The following MTMR9 variants were observed in gnomAD, a reference collection of about 807,000 sequenced individuals.
MTMR9 encodes the protein myotubularin related protein 9.
Under a neutral mutation model 69.5 loss-of-function variants are expected in MTMR9, and 39 were observed. That is an observed-to-expected ratio of 0.56 (90% confidence interval 0.43 to 0.73). MTMR9 has a LOEUF of 0.73. Ranked by LOEUF, MTMR9 falls within the 30% of genes least tolerant of loss-of-function variation. MTMR9 has a pLI of 0.00. For synonymous variants in MTMR9, 354 were observed against 240.8 expected (o/e 1.47, Z -4.35); for missense variants, 900 against 671.2 (o/e 1.34, Z -3.77).
chr8:11,305,580 A>G (rs768344117), intron 4 of MTMR9, among the ~76,000 whole-genome samples: 5 of 152,224 alleles, frequency 3.3e-5, no homozygotes, highest in African/African-American at 4.8e-5. Context: ...ATTGATTTCT[A>G]GAGAAAAGTT....
downstream of MTMR9, among the ~76,000 whole-genome samples, chr8:11,329,018 C>T (rs978306493): frequency 1.3e-5 from 2 of 152,186 alleles, no homozygotes; most frequent in Admixed American, 6.5e-5. Flanking sequence ...TTTTTCCCAA[C>T]ACTTTGTTGA....
intron 3 of MTMR9, chr8:11,300,841 G>C (rs1020530560): frequency 6.6e-6 from 1 of 152,188 alleles, no homozygotes. Context: ...AATAAAAGGA[G>C]AGATACTGTG....
chr8:11,295,406 C>G, intron 2 of MTMR9, 104 bp downstream of exon 2: 2 of 741,522 alleles, frequency 2.7e-6, no homozygotes, highest in South Asian at 3.1e-5. Flanking sequence ...TTCTCTGACT[C>G]AAATACTGAA....
At chr8:11,312,641 A>T (rs545404591) in intron 6 of MTMR9, among the ~76,000 whole-genome samples, 1 of 152,310 alleles carries the variant, frequency 6.6e-6, no homozygotes, top group African/African-American at 2.4e-5. Flanking sequence ...AATCTTTTTA[A>T]TGTTGATGTT....
Position 11,324,690 on chromosome 8 carries a change from C to A in MTMR9, c.*1902C>A, listed in dbSNP as rs1294453338. ...TAAGGAAAACCATCTAGAGAGTTTT[C>A]TTTAGAAGTGACTCCCATTAGCCTG... On this transcript the variant is annotated 3_prime_UTR_variant, in exon 10 of 10. Coordinates refer to ENST00000221086, the MANE Select transcript of MTMR9 (RefSeq NM_015458.4). 2 of 152,090 alleles carry A rather than the reference C, an allele frequency of 1.3e-5. No homozygotes were observed. Among genetic ancestry groups the A allele is most frequent in the African/African-American group, 4.8e-5 (2 of 41,398 alleles). The allele number at this position is 152,090 out of a possible 1,614,324, so 9.4% of individuals were successfully genotyped here.
In MTMR9 at chr8:11,284,843, C is replaced by G; in HGVS notation, c.-46C>G. On this transcript the variant is annotated 5_prime_UTR_variant, in exon 1 of 10. Coordinates refer to ENST00000221086, the MANE Select transcript of MTMR9 (RefSeq NM_015458.4). The stretch of plus-strand genomic sequence containing the variant: ...TACTTCCCTGCGGCGGGGTAACCGC[C>G]TCGCACCTACCGGGCTCGGTTCCCT... 1 of 1,541,202 alleles carries G rather than the reference C, an allele frequency of 6.5e-7. No individual in the cohort carries two copies. The highest frequency in any genetic ancestry group is 1.2e-5 in the South Asian group (1 of 82,884).
chr8:11,315,022 C>T lies in MTMR9; in HGVS notation c.1071C>T (p.Thr357=), dbSNP rs1800356710. 1 of 1,613,696 alleles carries T rather than the reference C, an allele frequency of 6.2e-7. No individual in the cohort carries two copies. Among genetic ancestry groups the T allele is most frequent in the Admixed American group, 1.7e-5 (1 of 59,990 alleles). The change falls in exon 7 of 10, where the codon ACC becomes ACT. Residue 357 remains threonine (T), a synonymous_variant. Transcript: ENST00000221086. ...AQIILEPRSR[T]IRGFEALIER... is the part of the protein sequence containing the mutation. ...TCATCTTAGAGCCAAGAAGCAGGAC[C>T]ATTCGTGGTTTTGAGGCCCTGATTG...
downstream of MTMR9, chr8:11,330,952 A>T: frequency 7.7e-7 from 1 of 1,305,150 alleles, no homozygotes; most frequent in Admixed American, 3.1e-5. Context: ...AAAGAAAAGA[A>T]GCAGAGTTGG....
At chr8:11,320,728 C>G (rs1199092063) in intron 9 of MTMR9, 6 of 152,100 alleles carry the variant, frequency 3.9e-5, no homozygotes, top group African/African-American at 7.2e-5. Context: ...ACGAGACTTT[C>G]TCAAAAAGAT....
chr8:11,306,097 T>C, intron 4 of MTMR9, 93 bp from the exon 5 acceptor site: 1 of 1,064,118 alleles, frequency 9.4e-7, no homozygotes, highest in South Asian at 1.5e-5. Flanking sequence ...ACACAATTGT[T>C]TTTGAGATAC....
At position 11,322,592 on chromosome 8, in the gene MTMR9, C is replaced by G. The variant is rs1335387900; in HGVS notation, c.1487-33C>G. 6 of 1,594,718 alleles carry G rather than the reference C, an allele frequency of 3.8e-6. No individual in the cohort carries two copies. The African/African-American group carries it at 8.1e-5, about 21-fold the overall frequency. Reference sequence around the variant, plus strand: ...ATTTTAATCCATTGTATATACCTTTCTTGCTTCTGTTTTCCATTCCTGGAT... The same window carrying G: ...ATTTTAATCCATTGTATATACCTTTGTTGCTTCTGTTTTCCATTCCTGGAT... On this transcript the variant is annotated intron_variant, in intron 9 of 9. Transcript: ENST00000221086.
At position 11,324,332 on chromosome 8, in the gene MTMR9, C is replaced by G. The variant is rs564409251; in HGVS notation, c.*1544C>G. ...CTTGTAGCAAAGGCTACACAGCAGC[C>G]CACAGTCCACAGTCTTTTTGGGAAA... On this transcript the variant is annotated 3_prime_UTR_variant, in exon 10 of 10. Transcript: ENST00000221086. The G allele has an allele frequency of 6.6e-6, 1 of 152,120 alleles. No homozygotes were observed. Among genetic ancestry groups the G allele is most frequent in the African/African-American group, 2.4e-5 (1 of 41,414 alleles). The allele number at this position is 152,120 out of a possible 1,614,324, so 9.4% of individuals were successfully genotyped here. A position where few individuals can be genotyped will look rare whatever the true frequency, so the allele number is the denominator to read the frequency against.
the MTMR9 span, among the ~76,000 whole-genome samples, chr8:11,337,246 A>G: frequency 6.6e-6 from 1 of 152,184 alleles, no homozygotes; most frequent in Non-Finnish European, 1.5e-5. Flanking sequence ...ACTTTATAGT[A>G]ACTTAAGTAG....
downstream of MTMR9, among the ~76,000 whole-genome samples, chr8:11,328,333 C>T (rs1801039645): frequency 1.4e-5 from 2 of 142,326 alleles, no homozygotes; most frequent in Admixed American, 1.5e-4. Context: ...TCCATATTTG[C>T]TTTAATACCA....
intron 3 of MTMR9, among the ~76,000 whole-genome samples, chr8:11,302,589 A>G (rs1342712856): frequency 6.6e-6 from 1 of 152,210 alleles, no homozygotes; most frequent in East Asian, 1.9e-4. Flanking sequence ...AATTTATTTA[A>G]TCTGATAAAG....
chr8:11,285,948 C>CTTT lies in MTMR9; in HGVS notation c.182+898_182+900dup, dbSNP rs755153057. Among the ~76,000 whole-genome samples, 378 of 107,034 alleles carry CTTT rather than the reference C, an allele frequency of 3.5e-3. 5 individuals are homozygous for CTTT. The highest frequency in any genetic ancestry group is 5.8e-3 in the African/African-American group (153 of 26,266). The allele number at this position is 107,034 out of a possible 152,430, so 70.2% of individuals were successfully genotyped here. ...AAAATAATAATCTCTTTCTTTCTTT[C>CTTT]TTTTTTTTTTTTTTTTTTTTTTGGA... On this transcript the variant is annotated intron_variant, in intron 1 of 9. Transcript: ENST00000221086.
At chr8:11,290,631 A>G (rs1251625098) in intron 1 of MTMR9, among the ~76,000 whole-genome samples, 2 of 152,070 alleles carry the variant, frequency 1.3e-5, no homozygotes, top group Admixed American at 6.5e-5. Flanking sequence ...TTCAAGTGTG[A>G]TAAGAACCTA....
downstream of MTMR9, chr8:11,331,590 C>G: frequency 6.2e-7 from 1 of 1,612,618 alleles, no homozygotes; most frequent in Non-Finnish European, 8.5e-7. Flanking sequence ...GTGGTGTGGA[C>G]TGTTGGGCAG....
chr8:11,331,735 A>T (rs144473988), downstream of MTMR9: 27 of 1,611,814 alleles, frequency 1.7e-5, no homozygotes, highest in African/African-American at 3.6e-4. Flanking sequence ...CTTCTGGTCT[A>T]TCGTTCTCTG....
Sources: gnomAD v4.1 joint callset for allele counts (sites outside exome capture counted in the v4.1 genomes callset) on GRCh38, gnomAD v4.1.1 for gene constraint, MANE v1.5 for transcripts, NCBI Gene and HGNC (gene_info 2026-07-23, HGNC 2026-07-21) for gene names.